The following COL23A1 variants were observed in gnomAD, a reference collection of about 807,000 sequenced individuals.
COL23A1 encodes the protein collagen alpha-1(XXIII) chain.
Under a neutral mutation model 99.3 loss-of-function variants are expected in COL23A1, and 97 were observed. The ratio of observed to expected loss-of-function variants is 0.98; its 90% CI spans 0.83 to 1.16. The LOEUF (loss-of-function observed/expected upper bound fraction) is 1.16. Ranked by LOEUF, COL23A1 falls within the 50% of genes most tolerant of loss-of-function variation. The pLI, the probability that COL23A1 is intolerant of heterozygous loss-of-function variation, is 0.00. For missense variants in COL23A1, 762 were observed against 757.4 expected, an observed-to-expected ratio of 1.01 and a Z score of -0.07; for synonymous variants, 320 against 308.2, an observed-to-expected ratio of 1.04 and a Z score of -0.40.
intron 9 of COL23A1, among the ~76,000 whole-genome samples, chr5:178,262,978 G>A (rs1258035513): frequency 1.3e-5 from 2 of 152,126 alleles, no homozygotes; most frequent in African/African-American, 4.8e-5. Flanking sequence ...GGGATTAAGG[G>A]TCTGGGTTGA....
At chr5:178,582,206 CAAAAAAA>C (rs11315118) in intron 1 of COL23A1, among the ~76,000 whole-genome samples, 9 of 31,626 alleles carry the variant, frequency 2.8e-4, no homozygotes, top group African/African-American at 5.6e-4. Flanking sequence ...GACTCTATCT[CAAAAAAA>C]AAAAAAAAAA....
In COL23A1 at chr5:178,354,433, T is replaced by TC. The variant is rs1463892554; in HGVS notation, c.362-47515dup. Reference sequence around the variant, plus strand: ...TCATGTGATATGGTTTGGATCTGTGTCCCCACTCAAGTCTCCTGTTCAACT... The same window carrying TC: ...TCATGTGATATGGTTTGGATCTGTGTCCCCCACTCAAGTCTCCTGTTCAACT... On this transcript the variant is annotated intron_variant, in intron 2 of 28. Coordinates refer to ENST00000390654, the MANE Select transcript of COL23A1 (RefSeq NM_173465.4). Among the ~76,000 whole-genome samples, 4 of 152,112 alleles carry TC rather than the reference T, an allele frequency of 2.6e-5. No individual in the cohort carries two copies. In the East Asian group the frequency reaches 5.8e-4, roughly 22 times the overall value.
At chr5:178,559,504 C>T (rs1581637040) in intron 2 of COL23A1, among the ~76,000 whole-genome samples, 27 of 142,958 alleles carry the variant, frequency 1.9e-4, no homozygotes, top group African/African-American at 3.2e-4. Flanking sequence ...TTTCCCTGCA[C>T]ATCGAGAAGT....
chr5:178,452,489 G>A (rs1033812195), intron 2 of COL23A1, among the ~76,000 whole-genome samples: 5 of 152,134 alleles, frequency 3.3e-5, no homozygotes, highest in Non-Finnish European at 7.4e-5. Context: ...TGATAAAATG[G>A]CCTAGATAAA....
chr5:178,256,959 G>A (rs2127545366), intron 13 of COL23A1, 31 bp from the exon 14 acceptor site: 2 of 1,608,396 alleles, frequency 1.2e-6, no homozygotes, highest in East Asian at 2.2e-5. Flanking sequence ...GTGAGAGCAA[G>A]TGTGAGACGG....
At chr5:178,587,239 G>A (rs539406120) in intron 1 of COL23A1, among the ~76,000 whole-genome samples, 2 of 152,268 alleles carry the variant, frequency 1.3e-5, no homozygotes, top group Admixed American at 1.3e-4. Flanking sequence ...AGATACGATC[G>A]TTCATGGCTC....
intron 2 of COL23A1, among the ~76,000 whole-genome samples, chr5:178,406,310 A>G (rs1303282936): frequency 6.6e-6 from 1 of 152,224 alleles, no homozygotes; most frequent in Non-Finnish European, 1.5e-5. Context: ...GAAGGCAAAC[A>G]CAGTGGAAGA....
At chr5:178,273,335 G>C (rs1174338532) in intron 5 of COL23A1, among the ~76,000 whole-genome samples, 2 of 152,264 alleles carry the variant, frequency 1.3e-5, no homozygotes, top group African/African-American at 4.8e-5. Context: ...GCTGCCCTCT[G>C]TCAAGCTAGG....
intron 1 of COL23A1, chr5:178,562,048 T>C: frequency 3.8e-6 from 2 of 530,468 alleles, no homozygotes; most frequent in Admixed American, 2.3e-5. Flanking sequence ...GTGTCTGGAG[T>C]TGGTTCCTGC....
intron 2 of COL23A1, among the ~76,000 whole-genome samples, chr5:178,523,201 TAGAGAGAGAG>T (rs70997609): frequency 7.3e-4 from 57 of 77,614 alleles, no homozygotes; most frequent in African/African-American, 2.3e-3. Flanking sequence ...TATATATATA[TAGAGAGAGAG>T]AGAGAGAGAG....
At chr5:178,269,510 TCCACCCAC>T (rs201587719) in intron 6 of COL23A1, among the ~76,000 whole-genome samples, 97 of 50,414 alleles carry the variant, frequency 1.9e-3, no homozygotes, top group African/African-American at 8.3e-3. Flanking sequence ...CATCCACCCA[TCCACCCAC>T]CCATCCACCC....
At chr5:178,471,486 G>A (rs865945465) in intron 2 of COL23A1, among the ~76,000 whole-genome samples, 8 of 151,658 alleles carry the variant, frequency 5.3e-5, no homozygotes, top group Admixed American at 6.6e-5. Context: ...TGATCTACCC[G>A]CCTCGGCCTC....
At chr5:178,449,054 T>A (rs1427243469) in intron 2 of COL23A1, among the ~76,000 whole-genome samples, 1 of 152,092 alleles carries the variant, frequency 6.6e-6, no homozygotes, top group African/African-American at 2.4e-5. Flanking sequence ...TGGAGTGCAG[T>A]GTTACGATCA....
rs1392231469 is a variant in COL23A1, at chr5:178,570,334, CCTG to C, written c.295-9589_295-9587del. The stretch of plus-strand genomic sequence containing the variant: ...ATGTTGCCCAAAATGATCTCAAACT[CCTG>C]AGCTCAAGTGATCTGTGCCTGCCTC... On this transcript the variant is annotated intron_variant, in intron 1 of 28. Transcript: ENST00000390654. 2.6e-5 allele frequency among the ~76,000 whole-genome samples: 4 copies of C among 152,172 alleles called. No homozygotes were observed. The South Asian group carries it at 8.3e-4, about 32-fold the overall frequency.
intron 2 of COL23A1, among the ~76,000 whole-genome samples, chr5:178,488,132 ACTC>A (rs1486814691): frequency 6.6e-6 from 1 of 152,068 alleles, no homozygotes; most frequent in Non-Finnish European, 1.5e-5. Flanking sequence ...TATTGTTCTC[ACTC>A]CTCATTAGAA....
intron 2 of COL23A1, among the ~76,000 whole-genome samples, chr5:178,533,157 G>A (rs546046329): frequency 9.8e-5 from 15 of 152,352 alleles, no homozygotes; most frequent in African/African-American, 3.4e-4. Flanking sequence ...AGGAAGCTCT[G>A]AGGCTGTACA....
At position 178,240,104 on chromosome 5, in the gene COL23A1, G is replaced by T. The variant is rs187432657; in HGVS notation, c.1582-925C>A. Among the ~76,000 whole-genome samples the T allele has an allele frequency of 1.2e-3, 182 of 152,294 alleles. 1 individual carries two copies. The highest frequency in any genetic ancestry group is 2.0e-3 in the Non-Finnish European group (133 of 68,008). On this transcript the variant is annotated intron_variant, in intron 27 of 28. Transcript: ENST00000390654. ...GCTGGGCCTGGGGTAGGGCTATCTA[G>T]CGGCACCTGTGGTGCCCACCCAGGA...
chr5:178,425,736 G>A (rs1174593348), intron 2 of COL23A1, among the ~76,000 whole-genome samples: 2 of 152,220 alleles, frequency 1.3e-5, no homozygotes. Flanking sequence ...TTCAAAGATG[G>A]CTGCAGTGCA....
chr5:178,587,072 T>C (rs1459207677), intron 1 of COL23A1, among the ~76,000 whole-genome samples: 2 of 152,248 alleles, frequency 1.3e-5, no homozygotes, highest in Non-Finnish European at 2.9e-5. Flanking sequence ...CATTTTTTAC[T>C]GTATTATGAA....
Sources: gnomAD v4.1 joint callset for allele counts (sites outside exome capture counted in the v4.1 genomes callset) on GRCh38, gnomAD v4.1.1 for gene constraint, MANE v1.5 for transcripts, NCBI Gene and HGNC (gene_info 2026-07-23, HGNC 2026-07-21) for gene names.